GPSM1: variants seen among roughly 807,000 people sequenced by gnomAD.
GPSM1 encodes the protein G protein signaling modulator 1.
GPSM1 carries 48 observed loss-of-function variants against 70.5 expected under a neutral mutation model. The ratio of observed to expected loss-of-function variants is 0.68; its 90% CI spans 0.54 to 0.87. The LOEUF is 0.87. Among genes scored for constraint, GPSM1 ranks in the 40% least tolerant of loss-of-function variants. The pLI is 0.00. For synonymous variants in GPSM1, 416 were observed against 430.1 expected, an observed-to-expected ratio of 0.97 and a Z score of 0.41; for missense variants, 981 against 972.6, an observed-to-expected ratio of 1.01 and a Z score of -0.11.
Position 136,336,108 on chromosome 9 carries a change from G to A in GPSM1, c.426+7G>A, listed in dbSNP as rs1554769196. On this transcript the variant is annotated splice_region_variant and intron_variant, in intron 3 of 13. Transcript: ENST00000440944. ...CCAAGAGCAGGGAGACAAGGTGGGG[G>A]CTTGGTCCGGGGCTGGGTGTCTCCC... 1.9e-6 allele frequency: 3 copies of A among 1,609,206 alleles called. No homozygotes were observed. The East Asian group carries it at 6.7e-5, about 36-fold the overall frequency.
chr9:136,332,839 CAAAAAAA>C lies in GPSM1; in HGVS notation c.69-1591_69-1585del, dbSNP rs150554566. 4.2e-4 allele frequency among the ~76,000 whole-genome samples: 28 copies of C among 66,108 alleles called. 2 individuals are homozygous for C. The highest frequency in any genetic ancestry group is 3.9e-3 in the South Asian group (6 of 1,522). 43.4% of individuals were successfully genotyped at this position (66,108 alleles called of 152,430 possible). A position where few individuals can be genotyped will look rare whatever the true frequency, so the allele number is the denominator to read the frequency against. The stretch of plus-strand genomic sequence containing the variant: ...AACATAGTGAGACCCCCATCTCTAC[CAAAAAAA>C]AAAAAAAAAAAAAAAAGCTGGGCAT... On this transcript the variant is annotated intron_variant, in intron 1 of 13. Coordinates refer to ENST00000440944, the MANE Select transcript of GPSM1 (RefSeq NM_001145638.3).
intron 9 of GPSM1, among the ~76,000 whole-genome samples, chr9:136,348,474 C>T (rs1183086577): frequency 6.6e-6 from 1 of 152,240 alleles, no homozygotes; most frequent in African/African-American, 2.4e-5. Context: ...CACCTGGCCC[C>T]AGCCAGGACG....
rs575462590 is a variant in GPSM1, at chr9:136,336,956, C to T, written c.462C>T (p.Asn154=). ...CGAGGGCCCTCTACAACATCGGGAA[C>T]GTGTACCACGCCAAAGGCAAGCAAC... ...GEARALYNIG[N]VYHAKGKQLS... Residue 154 remains asparagine (N), a synonymous_variant, in exon 4 of 14, where the codon AAC becomes AAT. Coordinates refer to ENST00000440944, the MANE Select transcript of GPSM1 (RefSeq NM_001145638.3). The T allele has an allele frequency of 4.4e-5, 68 of 1,557,368 alleles. No individual in the cohort carries two copies. The South Asian group carries it at 5.3e-4, about 12-fold the overall frequency.
chr9:136,348,630 C>G lies in GPSM1; in HGVS notation c.1208-67C>G, dbSNP rs1211867594. The G allele has an allele frequency of 4.8e-6, 6 of 1,261,178 alleles. No homozygotes were observed. In the African/African-American group the frequency reaches 8.8e-5, roughly 19 times the overall value. The allele number at this position is 1,261,178 out of a possible 1,614,324, so 78.1% of individuals were successfully genotyped here. A position where few individuals can be genotyped will look rare whatever the true frequency, so the allele number is the denominator to read the frequency against. ...GCTGGTCCTTGGCCCCCCAGAGACT[C>G]TGGCCTGGCCCACCCAATGCGAGGT... On this transcript the variant is annotated intron_variant, in intron 9 of 13. Transcript: ENST00000440944.
intron 10 of GPSM1, 143 bp downstream of exon 10, chr9:136,348,910 A>G (rs1554771669): frequency 1.4e-5 from 9 of 644,094 alleles, no homozygotes; most frequent in Non-Finnish European, 2.4e-5. Context: ...GATGCCCTGC[A>G]TGGCCCATCT....
chr9:136,336,839 A>G (rs979059770), intron 3 of GPSM1, 82 bp from the exon 4 acceptor site: 9 of 1,360,214 alleles, frequency 6.6e-6, no homozygotes, highest in Non-Finnish European at 9.0e-6. Context: ...GGGCTGGGAC[A>G]GTGAGGACAC....
chr9:136,354,759 G>C, intron 11 of GPSM1: 1 of 924,596 alleles, frequency 1.1e-6, no homozygotes, highest in Non-Finnish European at 1.3e-6. Flanking sequence ...GAGGCCCAGG[G>C]CGGGGTTCAT....
At chr9:136,347,160 G>A (rs1174810072) in intron 9 of GPSM1, among the ~76,000 whole-genome samples, 1 of 152,134 alleles carries the variant, frequency 6.6e-6, no homozygotes, top group Non-Finnish European at 1.5e-5. Flanking sequence ...GTGCGGAGGG[G>A]AACTGCCCGG....
chr9:136,350,214 A>G (rs1334611359), intron 11 of GPSM1, among the ~76,000 whole-genome samples: 3 of 152,124 alleles, frequency 2.0e-5, no homozygotes, highest in Non-Finnish European at 4.4e-5. Context: ...GGCTGCCTTC[A>G]CTGTGAGAGC....
chr9:136,349,982 G>T (rs545161452), intron 11 of GPSM1, among the ~76,000 whole-genome samples: 1 of 152,324 alleles, frequency 6.6e-6, no homozygotes, highest in Non-Finnish European at 1.5e-5. Context: ...GGCCTCAGAG[G>T]CCCCGGCCAC....
intron 5 of GPSM1, 89 bp downstream of exon 5, chr9:136,337,653 G>T: frequency 7.5e-7 from 1 of 1,332,168 alleles, no homozygotes; most frequent in Non-Finnish European, 1.1e-6. Flanking sequence ...GAAAGGGCAG[G>T]GTGGTATGGC....
intron 1 of GPSM1, chr9:136,331,983 G>A (rs1832110606): frequency 2.5e-6 from 1 of 398,594 alleles, no homozygotes; most frequent in Non-Finnish European, 4.4e-6. Context: ...GCTGGCTTGG[G>A]GGAGGAGGGC....
chr9:136,348,033 G>A (rs782519264), intron 9 of GPSM1, among the ~76,000 whole-genome samples: 2 of 152,204 alleles, frequency 1.3e-5, no homozygotes, highest in African/African-American at 2.4e-5. Flanking sequence ...TCTGCAGCTG[G>A]CCAGTGTTGG....
chr9:136,339,136 G>T (rs781886336), intron 7 of GPSM1, among the ~76,000 whole-genome samples: 5 of 152,192 alleles, frequency 3.3e-5, no homozygotes, highest in African/African-American at 9.6e-5. Flanking sequence ...AGGCTGCCCT[G>T]CCTGGAGGCT....
rs936214131 is a variant in GPSM1 at position 136,349,914 on chromosome 9, C to T, written c.1455+151C>T. On this transcript the variant is annotated intron_variant, in intron 11 of 13. Transcript: ENST00000440944. Reference sequence around the variant, plus strand: ...CCGGTGCACCTGGTGCAGTGCTGTCCTGGGACCCCGGTGGGGGCTCTGGGC... The same window carrying T: ...CCGGTGCACCTGGTGCAGTGCTGTCTTGGGACCCCGGTGGGGGCTCTGGGC... The T allele has an allele frequency of 1.2e-4, 85 of 725,844 alleles. 1 individual carries two copies. Among genetic ancestry groups the T allele is most frequent in the Non-Finnish European group, 1.4e-4 (62 of 452,912 alleles). The allele number at this position is 725,844 out of a possible 1,614,324, so 45.0% of individuals were successfully genotyped here.
At chr9:136,338,382 G>A (rs1350868626) in intron 6 of GPSM1, among the ~76,000 whole-genome samples, 173 bp from the exon 7 acceptor site, 2 of 152,214 alleles carry the variant, frequency 1.3e-5, no homozygotes, top group Non-Finnish European at 2.9e-5. Context: ...TCCCCCTGGG[G>A]CCAACAGTCC....
chr9:136,328,159 C>G (rs1832022233), intron 1 of GPSM1, among the ~76,000 whole-genome samples: 1 of 152,240 alleles, frequency 6.6e-6, no homozygotes, highest in African/African-American at 2.4e-5. Flanking sequence ...CCCTCACCAG[C>G]CCTCCACGAG....
At chr9:136,330,002 T>G (rs1832065826) in intron 1 of GPSM1, among the ~76,000 whole-genome samples, 1 of 149,824 alleles carries the variant, frequency 6.7e-6, no homozygotes, top group Non-Finnish European at 1.5e-5. Context: ...GCTGGGTCGG[T>G]GGGGACAGGG....
Position 136,358,429 on chromosome 9 carries a change from C to G in GPSM1, c.*209C>G, listed in dbSNP as rs1832905756. The stretch of plus-strand genomic sequence containing the variant: ...CCGGGCTGGCCCCCATGGCCCTCAG[C>G]TTCCTCCCTTCTGCCCCTGCCGCAG... On this transcript the variant is annotated 3_prime_UTR_variant, in exon 14 of 14. Transcript: ENST00000440944. 1.7e-6 allele frequency: 1 copy of G among 576,004 alleles called. No homozygotes were observed. The highest frequency in any genetic ancestry group is 2.0e-5 in the African/African-American group (1 of 50,462). The allele number at this position is 576,004 out of a possible 1,614,324, so 35.7% of individuals were successfully genotyped here.
Sources: gnomAD v4.1 joint callset for allele counts (sites outside exome capture counted in the v4.1 genomes callset) on GRCh38, gnomAD v4.1.1 for gene constraint, MANE v1.5 for transcripts, NCBI Gene and HGNC (gene_info 2026-07-23, HGNC 2026-07-21) for gene names.